The following SRR variants were observed in gnomAD, a reference collection of about 807,000 sequenced individuals.
The protein encoded by SRR is D-serine ammonia-lyase.
A neutral mutation model predicts 32.7 loss-of-function variants in SRR; 19 were observed. That is an observed-to-expected ratio of 0.58 (90% CI 0.40 to 0.85). The LOEUF (loss-of-function observed/expected upper bound fraction) is 0.85. Among genes scored for constraint, SRR ranks in the 40% least tolerant of loss-of-function variants. SRR has a pLI of 0.00. For synonymous variants in SRR, 142 were observed against 140.9 expected, an observed-to-expected ratio of 1.01 and a Z score of -0.06; for missense variants, 373 against 404.7, an observed-to-expected ratio of 0.92 and a Z score of 0.67.
At chr17:2,318,760 G>A (rs1344790708) in intron 3 of SRR, 66 bp from the exon 4 acceptor site, 37 of 1,186,720 alleles carry the variant, frequency 3.1e-5, no homozygotes, top group South Asian at 1.1e-4. Flanking sequence ...GTGACCCACC[G>A]TGCCTGGCCA....
At chr17:2,303,518 C>T (rs2075336382), upstream of SRR, 3 of 1,333,838 alleles carry the variant, frequency 2.2e-6, no homozygotes, top group Middle Eastern at 2.8e-4. Flanking sequence ...GCGCCTACTG[C>T]TGGGGGAAGG....
intron 2 of SRR, among the ~76,000 whole-genome samples, chr17:2,317,521 T>TAA (rs1214047731): frequency 7.1e-6 from 1 of 140,062 alleles, no homozygotes; most frequent in South Asian, 2.2e-4. Context: ...TCTAAAAAAA[T>TAA]AAAAAAAAAA....
intron 1 of SRR, among the ~76,000 whole-genome samples, chr17:2,312,462 G>T (rs577224374): frequency 6.6e-6 from 1 of 152,148 alleles, no homozygotes; most frequent in African/African-American, 2.4e-5. Context: ...TGGCGTGGTG[G>T]CACACACCGG....
At chr17:2,306,242 G>C (rs968103211) in intron 1 of SRR, among the ~76,000 whole-genome samples, 1 of 151,782 alleles carries the variant, frequency 6.6e-6, no homozygotes, top group African/African-American at 2.4e-5. Context: ...CTTGAACCTG[G>C]GAGGCAGAGG....
chr17:2,308,793 C>T (rs2075412769), intron 1 of SRR, among the ~76,000 whole-genome samples: 1 of 151,798 alleles, frequency 6.6e-6, no homozygotes, highest in South Asian at 2.1e-4. Flanking sequence ...TGCACTCCAG[C>T]CTGGTGACAG....
In SRR at chr17:2,324,388, A is replaced by G. The variant is rs770379657; in HGVS notation, c.*515A>G. ...GGCCATGGGTACCTAGAAAGACATC[A>G]GAACAAGTCGGTCAAATTAAAAGTA... On this transcript the variant is annotated 3_prime_UTR_variant, in exon 8 of 8. Coordinates refer to ENST00000344595, the MANE Select transcript of SRR (RefSeq NM_021947.3). The G allele has an allele frequency of 6.3e-7, 1 of 1,584,262 alleles. No individual in the cohort carries two copies. Among genetic ancestry groups the G allele is most frequent in the Non-Finnish European group, 8.6e-7 (1 of 1,167,150 alleles).
At chr17:2,303,401 G>A (rs1431401236), upstream of SRR, 4 of 1,248,630 alleles carry the variant, frequency 3.2e-6, no homozygotes, top group African/African-American at 1.6e-5. Context: ...AGAGGGTGGA[G>A]GCAGGAATTC....
At chr17:2,303,774 G>C, upstream of SRR, 1 of 1,435,406 alleles carries the variant, frequency 7.0e-7, no homozygotes, top group Non-Finnish European at 9.2e-7. Flanking sequence ...CGCGCAGCCA[G>C]GAAACCACCA....
chr17:2,320,043 C>T (rs1475198982), intron 4 of SRR, among the ~76,000 whole-genome samples: 2 of 151,476 alleles, frequency 1.3e-5, no homozygotes, highest in Admixed American at 1.3e-4. Context: ...TGGTCTCGAT[C>T]TCCTGACCTC....
At position 2,318,146 on chromosome 17, in the gene SRR, T is replaced by G. The variant is rs187994502; in HGVS notation, c.295+150T>G. 8.8e-4 allele frequency: 860 copies of G among 976,900 alleles called. 3 individuals are homozygous for G. Among genetic ancestry groups the G allele is most frequent in the African/African-American group, 6.6e-3 (395 of 59,844 alleles). 60.5% of individuals were successfully genotyped at this position (976,900 alleles called of 1,614,324 possible). A position where few individuals can be genotyped will look rare whatever the true frequency, so the allele number is the denominator to read the frequency against. On this transcript the variant is annotated intron_variant, in intron 3 of 7. Transcript: ENST00000344595. ...GCAATATGAACATAAGTTTTTTTTT[T>G]GTTTGTTTTGTTTTTTTGAAGACAG...
chr17:2,320,251 CTTTTTTTTT>C (rs35025479), intron 4 of SRR, among the ~76,000 whole-genome samples: 25 of 76,750 alleles, frequency 3.3e-4, no homozygotes, highest in African/African-American at 1.1e-3. Context: ...CATCTCTCAT[CTTTTTTTTT>C]TTTTTTTTTT....
chr17:2,318,555 C>T (rs1219109252), intron 3 of SRR, among the ~76,000 whole-genome samples: 1 of 150,444 alleles, frequency 6.6e-6, no homozygotes, highest in Non-Finnish European at 1.5e-5. Context: ...AGCTCCACCT[C>T]CCGGGTTCAC....
intron 6 of SRR, among the ~76,000 whole-genome samples, chr17:2,321,852 A>G (rs2151436837): frequency 6.6e-6 from 1 of 152,268 alleles, no homozygotes; most frequent in African/African-American, 2.4e-5. Flanking sequence ...ATCCTGGCCC[A>G]CTGCAGCCTC....
chr17:2,319,351 T>G (rs1007486381), intron 4 of SRR, among the ~76,000 whole-genome samples: 7 of 152,164 alleles, frequency 4.6e-5, no homozygotes, highest in East Asian at 1.9e-4. Flanking sequence ...TTGAAAATTT[T>G]TTGTTGTTGT....
intron 1 of SRR, among the ~76,000 whole-genome samples, chr17:2,305,315 A>G (rs538349132): frequency 6.6e-6 from 1 of 152,386 alleles, no homozygotes; most frequent in East Asian, 1.9e-4. Flanking sequence ...ATGGAAAACA[A>G]GAAAACTTTC....
Position 2,325,211 on chromosome 17 carries a change from AC to A in SRR, c.*1340del, listed in dbSNP as rs2075568805. On this transcript the variant is annotated 3_prime_UTR_variant, in exon 8 of 8. Transcript: ENST00000344595. Reference sequence around the variant, plus strand: ...TGAAAACCATCATTACCTTCTCCATACCATTTGGCTCCCAAATTTAAATAAA... The same window carrying A: ...TGAAAACCATCATTACCTTCTCCATACATTTGGCTCCCAAATTTAAATAAA... The A allele has an allele frequency of 2.2e-6, 2 of 897,588 alleles. No homozygotes were observed. Among genetic ancestry groups the A allele is most frequent in the Non-Finnish European group, 3.4e-6 (2 of 582,624 alleles). The allele number at this position is 897,588 out of a possible 1,614,324, so 55.6% of individuals were successfully genotyped here. A position where few individuals can be genotyped will look rare whatever the true frequency, so the allele number is the denominator to read the frequency against.
At chr17:2,312,818 C>T (rs568363204) in intron 1 of SRR, among the ~76,000 whole-genome samples, 9 of 152,218 alleles carry the variant, frequency 5.9e-5, no homozygotes, top group South Asian at 4.2e-4. Flanking sequence ...TAAGGACTGA[C>T]GGAGGTACAC....
chr17:2,316,483 C>G (rs1456789379), intron 2 of SRR, among the ~76,000 whole-genome samples: 1 of 152,130 alleles, frequency 6.6e-6, no homozygotes. Context: ...TGTATATGAC[C>G]CAAGTTTAAG....
chr17:2,308,623 C>A (rs510151), intron 1 of SRR, among the ~76,000 whole-genome samples: 88,803 of 151,854 alleles, frequency 0.58, 26,368 homozygotes, highest in East Asian at 0.68. Context: ...CTTTGGGAGG[C>A]CGAGGTGGGT....
Sources: allele counts gnomAD v4.1 joint callset (sites outside exome capture counted in the v4.1 genomes callset), GRCh38; gene constraint gnomAD v4.1.1; transcripts MANE v1.5; gene names NCBI Gene and HGNC (gene_info 2026-07-23, HGNC 2026-07-21).